Variants in DPP10 observed in about 807,000 individuals in gnomAD.
DPP10 encodes dipeptidyl peptidase like 10.
In DPP10, 33 loss-of-function variants were observed where a neutral mutation model predicts 120.9. The ratio of observed to expected loss-of-function variants is 0.27; its 90% CI spans 0.21 to 0.37. The LOEUF is 0.37. DPP10 is among the 10% of genes least tolerant of loss of function. DPP10 has a pLI of 1.00. For synonymous variants in DPP10, 337 were observed against 326.1 expected, an observed-to-expected ratio of 1.03 and a Z score of -0.36; for missense variants, 816 against 942.8, an observed-to-expected ratio of 0.87 and a Z score of 1.76.
At chr2:115,621,751 C>A (rs1369685579) in intron 5 of DPP10, among the ~76,000 whole-genome samples, 1 of 152,180 alleles carries the variant, frequency 6.6e-6, no homozygotes, top group Non-Finnish European at 1.5e-5. Context: ...GCGATCTCGG[C>A]TCACTGCAAC....
chr2:115,603,314 G>A (rs1179535254), intron 5 of DPP10, among the ~76,000 whole-genome samples: 1 of 150,960 alleles, frequency 6.6e-6, no homozygotes, highest in Non-Finnish European at 1.5e-5. Context: ...TGGAACAGGT[G>A]GGCGCACACC....
intron 1 of DPP10, among the ~76,000 whole-genome samples, chr2:115,032,192 G>GTT (rs71883245): frequency 0.55 from 82,769 of 150,366 alleles, 22,738 homozygotes; most frequent in South Asian, 0.66. Flanking sequence ...AACTCTAGAA[G>GTT]TTTTTTTTTT....
intron 2 of DPP10, among the ~76,000 whole-genome samples, chr2:115,335,247 G>A (rs2063052208): frequency 6.6e-6 from 1 of 151,940 alleles, no homozygotes; most frequent in Non-Finnish European, 1.5e-5. Flanking sequence ...CATGACATGT[G>A]GGAATTGTGG....
intron 1 of DPP10, among the ~76,000 whole-genome samples, chr2:115,198,110 C>G (rs1055402769): frequency 6.6e-6 from 1 of 152,240 alleles, no homozygotes; most frequent in East Asian, 1.9e-4. Flanking sequence ...TCATATTAAT[C>G]TTGCTTTCTT....
rs1284163073 is a variant in DPP10, at chr2:115,557,850, GA to G, written c.441+31879del. Among the ~76,000 whole-genome samples, 3 of 152,108 alleles carry G rather than the reference GA, an allele frequency of 2.0e-5. No individual in the cohort carries two copies. In the East Asian group the frequency reaches 5.8e-4, roughly 29 times the overall value. On this transcript the variant is annotated intron_variant, in intron 5 of 25. Transcript: ENST00000410059. ...TTTCAGGTGCTGAGAGGACTCTTGG[GA>G]TTTTATTTATTGTGAAAGTTTCATT...
intron 7 of DPP10, among the ~76,000 whole-genome samples, chr2:115,713,724 C>T (rs1156382518): frequency 6.6e-6 from 1 of 152,170 alleles, no homozygotes; most frequent in East Asian, 1.9e-4. Flanking sequence ...GGTGTACTTC[C>T]TCAATTCTCA....
chr2:114,497,507 G>A (rs997857155), intron 1 of DPP10, among the ~76,000 whole-genome samples: 1 of 150,700 alleles, frequency 6.6e-6, no homozygotes, highest in African/African-American at 2.5e-5. Context: ...AAACTAGAAT[G>A]ATGAGTATGA....
chr2:114,716,150 T>C (rs766800472), intron 1 of DPP10, among the ~76,000 whole-genome samples: 2 of 150,998 alleles, frequency 1.3e-5, no homozygotes, highest in Non-Finnish European at 2.9e-5. Context: ...AGTGAAGACA[T>C]GAATGCTAGG....
chr2:114,708,030 C>T (rs1700790017), intron 1 of DPP10, among the ~76,000 whole-genome samples: 1 of 152,202 alleles, frequency 6.6e-6, no homozygotes, highest in African/African-American at 2.4e-5. Flanking sequence ...GGAGACACGG[C>T]TGCTTCAGGG....
chr2:114,486,016 A>G (rs1013116453), intron 1 of DPP10, among the ~76,000 whole-genome samples: 5 of 152,294 alleles, frequency 3.3e-5, no homozygotes, highest in Non-Finnish European at 4.4e-5. Context: ...AATTTGGGAG[A>G]ACATTGAACT....
intron 1 of DPP10, among the ~76,000 whole-genome samples, chr2:114,752,433 A>T (rs911044312): frequency 7.9e-5 from 12 of 152,270 alleles, no homozygotes; most frequent in Non-Finnish European, 1.3e-4. Flanking sequence ...AACTACTCAG[A>T]TTAGAGCCTC....
chr2:115,602,807 G>A (rs2083417743), intron 5 of DPP10, among the ~76,000 whole-genome samples: 1 of 152,198 alleles, frequency 6.6e-6, no homozygotes, highest in Non-Finnish European at 1.5e-5. Context: ...GATTCACTTA[G>A]TGCTCTGAAA....
intron 1 of DPP10, among the ~76,000 whole-genome samples, chr2:114,529,105 G>T (rs534212778): frequency 1.3e-5 from 2 of 152,162 alleles, no homozygotes; most frequent in African/African-American, 2.4e-5. Context: ...CAGCTCTTCT[G>T]GTTGCTACTG....
At chr2:115,024,882 C>T in intron 1 of DPP10, among the ~76,000 whole-genome samples, 1 of 147,948 alleles carries the variant, frequency 6.8e-6, no homozygotes, top group African/African-American at 2.5e-5. Flanking sequence ...TATGTATATT[C>T]CAATTACCCT....
intron 1 of DPP10, among the ~76,000 whole-genome samples, chr2:114,481,000 C>T (rs1283199250): frequency 4.0e-5 from 6 of 151,372 alleles, no homozygotes; most frequent in African/African-American, 1.5e-4. Flanking sequence ...AATGAACTTA[C>T]ATATAAAACA....
intron 1 of DPP10, among the ~76,000 whole-genome samples, chr2:115,010,631 G>T (rs769885440): frequency 1.3e-5 from 2 of 152,150 alleles, no homozygotes; most frequent in African/African-American, 2.4e-5. Flanking sequence ...CTCAACTGCT[G>T]TGATAAGAAT....
intron 7 of DPP10, among the ~76,000 whole-genome samples, chr2:115,719,326 A>G (rs2092585237): frequency 6.6e-6 from 1 of 152,210 alleles, no homozygotes; most frequent in Non-Finnish European, 1.5e-5. Context: ...TTTAAGAAAT[A>G]AGAACTCTTT....
chr2:115,642,611 C>T (rs944142438), intron 5 of DPP10, among the ~76,000 whole-genome samples: 9 of 151,968 alleles, frequency 5.9e-5, no homozygotes, highest in Admixed American at 2.6e-4. Flanking sequence ...CTCTTAAATT[C>T]CCTTTCTCTT....
Position 114,954,087 on chromosome 2 carries a change from T to TTTC in DPP10, c.61-355150_61-355149insCTT, listed in dbSNP as rs1218486172. Among the ~76,000 whole-genome samples the TTTC allele has an allele frequency of 7.6e-3, 1,132 of 148,054 alleles. 17 individuals carry two copies. The highest frequency in any genetic ancestry group is 0.012 in the Non-Finnish European group (794 of 66,924). ...AGATGAGATTAAGAAGTCCTTTTTTTTTTTTTTTTTTGATACAGAGTCTCA... is the reference window on the plus strand; with the variant it reads ...AGATGAGATTAAGAAGTCCTTTTTTTTTCTTTTTTTTTTTGATACAGAGTCTCA... On this transcript the variant is annotated intron_variant, in intron 1 of 25. Transcript: ENST00000410059.
Sources: gnomAD v4.1 joint callset for allele counts (sites outside exome capture counted in the v4.1 genomes callset) on GRCh38, gnomAD v4.1.1 for gene constraint, MANE v1.5 for transcripts, NCBI Gene and HGNC (gene_info 2026-07-23, HGNC 2026-07-21) for gene names.